DENND1A: variants seen among roughly 807,000 people sequenced by gnomAD.
The protein encoded by DENND1A is DENN domain-containing protein 1A.
Under a neutral mutation model 113.7 loss-of-function variants are expected in DENND1A, and 51 were observed. The observed-to-expected ratio is 0.45, with a 90% CI of 0.36 to 0.57. The LOEUF is 0.57. Ranked by LOEUF, DENND1A falls within the 20% of genes least tolerant of loss-of-function variation. DENND1A has a pLI of 0.00. For synonymous variants in DENND1A, 565 were observed against 570.8 expected (o/e 0.99, Z 0.14); for missense variants, 1,258 against 1,395.9 (o/e 0.90, Z 1.57).
intron 5 of DENND1A, among the ~76,000 whole-genome samples, chr9:123,753,621 G>A (rs1159726838): frequency 6.6e-6 from 1 of 152,130 alleles, no homozygotes; most frequent in Non-Finnish European, 1.5e-5. Flanking sequence ...TTGGTGCCCT[G>A]CCCTCCCATT....
intron 1 of DENND1A, among the ~76,000 whole-genome samples, chr9:123,918,473 G>A (rs1855634291): frequency 7.1e-6 from 1 of 140,524 alleles, no homozygotes; most frequent in Non-Finnish European, 1.5e-5. Context: ...GGGCAATAGA[G>A]GGAGACTCCG....
At chr9:123,404,552 C>T (rs2043779622) in intron 20 of DENND1A, among the ~76,000 whole-genome samples, 1 of 151,260 alleles carries the variant, frequency 6.6e-6, no homozygotes, top group Non-Finnish European at 1.5e-5. Context: ...ACACACTCCA[C>T]CTCCTGCCCA....
chr9:123,766,378 C>G (rs1361429194), intron 4 of DENND1A, among the ~76,000 whole-genome samples: 1 of 152,148 alleles, frequency 6.6e-6, no homozygotes, highest in African/African-American at 2.4e-5. Flanking sequence ...TTTCCGTTAT[C>G]CCCCATATTA....
intron 12 of DENND1A, among the ~76,000 whole-genome samples, chr9:123,564,966 A>C (rs2057966751): frequency 6.9e-6 from 1 of 145,568 alleles, no homozygotes; most frequent in African/African-American, 2.5e-5. Context: ...GAATCCAATT[A>C]ATGTCTGTCC....
At chr9:123,463,638 A>G (rs555060382) in intron 13 of DENND1A, among the ~76,000 whole-genome samples, 1 of 152,274 alleles carries the variant, frequency 6.6e-6, no homozygotes, top group African/African-American at 2.4e-5. Flanking sequence ...GGCCAGGAGT[A>G]GTGGTTCACG....
Position 123,382,001 on chromosome 9 carries a change from C to T in DENND1A, c.2644G>A (p.Gly882Arg), listed in dbSNP as rs2042297639. 7.0e-7 allele frequency: 1 copy of T among 1,436,496 alleles called. No homozygotes were observed. Among genetic ancestry groups the T allele is most frequent in the Non-Finnish European group, 9.1e-7 (1 of 1,098,536 alleles). 89.0% of individuals were successfully genotyped at this position (1,436,496 alleles called of 1,614,324 possible). A position where few individuals can be genotyped will look rare whatever the true frequency, so the allele number is the denominator to read the frequency against. Residue 882 changes from glycine to arginine, a missense_variant, in exon 24 of 24, where the codon GGG becomes AGG. Physicochemically the swap from Gly to Arg is moderately radical, Grantham distance 125. Coordinates refer to ENST00000394215, the MANE Select transcript of DENND1A (RefSeq NM_001352964.2). ...GGCTGTGGGAATGGGGTGGGTGTCC[C>T]TGCAGGGGGGAAGCTGAATTGGGGG... ...FTPQFSFPPA[G>R]TPTPFPQPPL... is the part of the protein sequence containing the mutation.
chr9:123,438,229 C>T (rs1261325953), intron 19 of DENND1A, among the ~76,000 whole-genome samples: 2 of 152,164 alleles, frequency 1.3e-5, no homozygotes, highest in African/African-American at 4.8e-5. Context: ...GACTCAAGGA[C>T]AACCTACCAT....
intron 2 of DENND1A, among the ~76,000 whole-genome samples, chr9:123,839,012 C>T (rs562342477): frequency 1.3e-5 from 2 of 152,328 alleles, no homozygotes; most frequent in East Asian, 3.9e-4. Flanking sequence ...TTTCACTCTG[C>T]TCACGCGGAA....
Position 123,930,094 on chromosome 9 carries a change from A to G in DENND1A, c.-189T>C. The G allele has an allele frequency of 5.1e-6, 1 of 197,568 alleles. No homozygotes were observed. The allele number at this position is 197,568 out of a possible 1,614,324, so 12.2% of individuals were successfully genotyped here. A position where few individuals can be genotyped will look rare whatever the true frequency, so the allele number is the denominator to read the frequency against. ...CTCCAGGGGTTAATGTACTCGCTCCAGCCCGGCGAACGCCATGGTCGCCGG... is the reference window on the plus strand; with the variant it reads ...CTCCAGGGGTTAATGTACTCGCTCCGGCCCGGCGAACGCCATGGTCGCCGG... On this transcript the variant is annotated 5_prime_UTR_variant, in exon 1 of 24. Coordinates refer to ENST00000394215, the MANE Select transcript of DENND1A (RefSeq NM_001352964.2).
At chr9:123,635,959 C>T (rs2061681086) in intron 9 of DENND1A, among the ~76,000 whole-genome samples, 1 of 152,206 alleles carries the variant, frequency 6.6e-6, no homozygotes, top group Non-Finnish European at 1.5e-5. Flanking sequence ...TTTCTGTGTT[C>T]CTTTCCAGCT....
At chr9:123,633,805 TA>T (rs1453327754) in intron 9 of DENND1A, among the ~76,000 whole-genome samples, 4 of 152,060 alleles carry the variant, frequency 2.6e-5, no homozygotes, top group Admixed American at 6.6e-5. Flanking sequence ...AAAAAATGTC[TA>T]AAACAAAAAC....
chr9:123,508,110 T>C (rs2053128931), intron 13 of DENND1A, among the ~76,000 whole-genome samples: 1 of 152,172 alleles, frequency 6.6e-6, no homozygotes, highest in Non-Finnish European at 1.5e-5. Flanking sequence ...ATGGGACTCA[T>C]CAAGAAACAC....
intron 5 of DENND1A, among the ~76,000 whole-genome samples, chr9:123,753,234 T>C (rs1176219660): frequency 6.6e-6 from 1 of 152,180 alleles, no homozygotes; most frequent in African/African-American, 2.4e-5. Flanking sequence ...TGCCAGAATA[T>C]TCTTCAATAA....
intron 18 of DENND1A, among the ~76,000 whole-genome samples, chr9:123,445,145 G>A (rs1021542978): frequency 6.6e-6 from 1 of 152,220 alleles, no homozygotes. Context: ...ACGGCATACG[G>A]TAAGTCTCTG....
chr9:123,893,474 C>T (rs568223453), intron 1 of DENND1A, among the ~76,000 whole-genome samples: 2 of 152,342 alleles, frequency 1.3e-5, no homozygotes, highest in East Asian at 3.8e-4. Flanking sequence ...TTATCAGCTT[C>T]ATCTGCCCAC....
intron 12 of DENND1A, among the ~76,000 whole-genome samples, chr9:123,581,073 T>G (rs2058866357): frequency 2.0e-5 from 3 of 151,856 alleles, no homozygotes. Flanking sequence ...AGACACCTAG[T>G]AGGGCAGAGG....
At chr9:123,629,419 C>T (rs1171717080) in intron 10 of DENND1A, among the ~76,000 whole-genome samples, 2 of 152,164 alleles carry the variant, frequency 1.3e-5, no homozygotes, top group Non-Finnish European at 2.9e-5. Context: ...GGATCCAAAT[C>T]GGTCACAAAG....
chr9:123,618,419 T>C (rs935925823), intron 10 of DENND1A, among the ~76,000 whole-genome samples: 2 of 152,144 alleles, frequency 1.3e-5, no homozygotes, highest in Non-Finnish European at 2.9e-5. Context: ...GTACAGAATG[T>C]GTCATGAGAA....
At chr9:123,416,265 C>G (rs2044718277) in intron 19 of DENND1A, among the ~76,000 whole-genome samples, 1 of 152,130 alleles carries the variant, frequency 6.6e-6, no homozygotes, top group South Asian at 2.1e-4. Flanking sequence ...CGCTGGTGCT[C>G]CTGCCCTTGC....
Sources: gnomAD v4.1 joint callset for allele counts (sites outside exome capture counted in the v4.1 genomes callset) on GRCh38, gnomAD v4.1.1 for gene constraint, MANE v1.5 for transcripts, NCBI Gene and HGNC (gene_info 2026-07-23, HGNC 2026-07-21) for gene names.